The following PITPNM2 variants were observed in gnomAD, a reference collection of about 807,000 sequenced individuals.
The protein encoded by PITPNM2 is membrane-associated phosphatidylinositol transfer protein 2.
A neutral mutation model predicts 132.2 loss-of-function variants in PITPNM2; 35 were observed. That is an observed-to-expected ratio of 0.26 (90% CI 0.20 to 0.35). PITPNM2 has a LOEUF of 0.35. Ranked by LOEUF, PITPNM2 falls within the 10% of genes least tolerant of loss-of-function variation. The pLI, the probability that PITPNM2 is intolerant of heterozygous loss-of-function variation, is 1.00. For synonymous variants in PITPNM2, 738 were observed against 799.2 expected (o/e 0.92, Z 1.29); for missense variants, 1,332 against 1,912.0 (o/e 0.70, Z 5.66).
intron 1 of PITPNM2, among the ~76,000 whole-genome samples, chr12:123,136,300 TC>T (rs2043381335): frequency 2.0e-5 from 3 of 148,870 alleles, no homozygotes; most frequent in African/African-American, 5.0e-5. Flanking sequence ...AGACTCTGTC[TC>T]AAAAAAAAAA....
intron 3 of PITPNM2, among the ~76,000 whole-genome samples, chr12:123,016,998 A>T (rs1357288862): frequency 1.3e-5 from 2 of 151,068 alleles, no homozygotes; most frequent in Non-Finnish European, 2.9e-5. Flanking sequence ...ATAAGCCGAG[A>T]TTGTGCCACT....
chr12:123,115,537 GCC>G (rs988610007), intron 1 of PITPNM2, among the ~76,000 whole-genome samples: 7 of 151,672 alleles, frequency 4.6e-5, no homozygotes, highest in African/African-American at 7.3e-5. Context: ...CCCAATACGC[GCC>G]CGCACACACA....
intron 8 of PITPNM2, among the ~76,000 whole-genome samples, chr12:123,002,837 T>G (rs138319369): frequency 1.3e-5 from 2 of 152,346 alleles, no homozygotes; most frequent in African/African-American, 4.8e-5. Flanking sequence ...TATCATTTCT[T>G]TCTGTTGGGA....
In PITPNM2 at chr12:123,017,064, A is replaced by G. The variant is rs1048666622; in HGVS notation, c.79-3022T>C. Reference sequence around the variant, plus strand: ...CCATCTCAAAAAAAAAAAAAGAAAAAAAAAGAAAAGATAATAGTTTAGCAG... The same window carrying G: ...CCATCTCAAAAAAAAAAAAAGAAAAGAAAAGAAAAGATAATAGTTTAGCAG... On this transcript the variant is annotated intron_variant, in intron 3 of 25. Transcript: ENST00000320201. Among the ~76,000 whole-genome samples, 34 of 146,952 alleles carry G rather than the reference A, an allele frequency of 2.3e-4. No individual in the cohort carries two copies. The Admixed American group carries it at 2.3e-3, about 10-fold the overall frequency.
chr12:122,997,120 G>A (rs1239588693), intron 11 of PITPNM2, among the ~76,000 whole-genome samples: 1 of 152,180 alleles, frequency 6.6e-6, no homozygotes, highest in Non-Finnish European at 1.5e-5. Context: ...GTTTGGAAAC[G>A]AAGGCTCAGC....
chr12:123,009,676 T>C lies in PITPNM2; in HGVS notation c.643+174A>G, dbSNP rs1366052810. Reference sequence around the variant, plus strand: ...ATTCATGGATGTTCAAGATAACCCATGGCTGGCGGGTAGTGGGGAAGCTGG... The same window carrying C: ...ATTCATGGATGTTCAAGATAACCCACGGCTGGCGGGTAGTGGGGAAGCTGG... On this transcript the variant is annotated intron_variant, in intron 6 of 25. Transcript: ENST00000320201. The surrounding 1 kb of genome is among the most constrained non-coding windows in gnomAD (Gnocchi z 4.8). Among the ~76,000 whole-genome samples the C allele has an allele frequency of 6.6e-6, 1 of 152,218 alleles. No homozygotes were observed. The highest frequency in any genetic ancestry group is 1.5e-5 in the Non-Finnish European group (1 of 68,038).
chr12:123,053,336 T>C (rs1468461103), intron 2 of PITPNM2, among the ~76,000 whole-genome samples: 2 of 152,222 alleles, frequency 1.3e-5, no homozygotes, highest in African/African-American at 4.8e-5. Flanking sequence ...GGTTTTTACA[T>C]CCAGTGTTCT....
chr12:123,007,458 C>T (rs758453769), intron 6 of PITPNM2: 21 of 455,320 alleles, frequency 4.6e-5, no homozygotes, highest in South Asian at 3.3e-4. Flanking sequence ...GGCATGTACC[C>T]CCGCCTCCCC....
chr12:123,115,238 C>A (rs2042913896), intron 1 of PITPNM2, among the ~76,000 whole-genome samples: 2 of 152,188 alleles, frequency 1.3e-5, no homozygotes, highest in Non-Finnish European at 2.9e-5. Flanking sequence ...CCCTCCCTTC[C>A]ATCTTCTTCA....
At chr12:123,094,915 T>C (rs1259622863) in intron 2 of PITPNM2, among the ~76,000 whole-genome samples, 1 of 152,232 alleles carries the variant, frequency 6.6e-6, no homozygotes, top group Non-Finnish European at 1.5e-5. Flanking sequence ...TTCTTCACTC[T>C]ATTTATCAGT....
chr12:123,058,821 C>T lies in PITPNM2; in HGVS notation c.-95-24136G>A, dbSNP rs1229515684. Among the ~76,000 whole-genome samples, 2 of 152,150 alleles carry T rather than the reference C, an allele frequency of 1.3e-5. No individual in the cohort carries two copies. Among genetic ancestry groups the T allele is most frequent in the Non-Finnish European group, 2.9e-5 (2 of 68,030 alleles). ...CCACGGGGTCCACCTGGAAAATTCTCGAAGTGTCTATTAAGAATCAGCTTA... is the reference window on the plus strand; with the variant it reads ...CCACGGGGTCCACCTGGAAAATTCTTGAAGTGTCTATTAAGAATCAGCTTA... On this transcript the variant is annotated intron_variant, in intron 2 of 25. Transcript: ENST00000320201. This position sits in a 1 kb window ranked among gnomAD's most constrained non-coding sequence, Gnocchi z 4.0.
intron 2 of PITPNM2, among the ~76,000 whole-genome samples, chr12:123,057,277 G>C (rs1442242092): frequency 6.6e-6 from 1 of 151,826 alleles, no homozygotes; most frequent in Non-Finnish European, 1.5e-5. Context: ...CTACTCGGGA[G>C]GCTGAGGCAG....
chr12:123,124,404 C>A (rs1043519513), intron 1 of PITPNM2, among the ~76,000 whole-genome samples: 2 of 152,006 alleles, frequency 1.3e-5, no homozygotes, highest in South Asian at 4.2e-4. Context: ...TGCACTCCAA[C>A]CTGGGCAACA....
chr12:122,990,173 G>C (rs1200211103), intron 17 of PITPNM2, among the ~76,000 whole-genome samples: 55 of 152,372 alleles, frequency 3.6e-4, no homozygotes, highest in Admixed American at 3.6e-3. Flanking sequence ...GGCCCAGCAC[G>C]GGGCGCAGCC....
intron 13 of PITPNM2, 60 bp downstream of exon 13, chr12:122,996,398 C>A (rs1231775310): frequency 6.3e-6 from 10 of 1,597,946 alleles, no homozygotes; most frequent in South Asian, 1.1e-5. Context: ...AGGGCAGCCA[C>A]CCTGGGGGCG....
intron 10 of PITPNM2, among the ~76,000 whole-genome samples, chr12:122,998,664 G>C (rs942274109): frequency 1.3e-5 from 2 of 152,158 alleles, no homozygotes; most frequent in Non-Finnish European, 2.9e-5. Context: ...CCAAGAACCC[G>C]AGGAGACAGA....
intron 2 of PITPNM2, among the ~76,000 whole-genome samples, chr12:123,035,335 T>A (rs1205292709): frequency 1.3e-5 from 2 of 152,158 alleles, no homozygotes; most frequent in African/African-American, 4.8e-5. Flanking sequence ...TGACAAAGAA[T>A]ATATTTGATG....
At chr12:123,072,345 A>G (rs1257951562) in intron 2 of PITPNM2, among the ~76,000 whole-genome samples, 2 of 152,160 alleles carry the variant, frequency 1.3e-5, no homozygotes, top group Non-Finnish European at 2.9e-5. Flanking sequence ...TCTAACTTGC[A>G]TTCTCCCCTG....
At chr12:122,996,432 G>T (rs1222047322) in intron 13 of PITPNM2, 26 bp downstream of exon 13, 1 of 1,612,184 alleles carries the variant, frequency 6.2e-7, no homozygotes, top group Non-Finnish European at 8.5e-7. Flanking sequence ...AGGCCTTGGG[G>T]ACTGTCTGGG....
Sources: allele counts gnomAD v4.1 joint callset (sites outside exome capture counted in the v4.1 genomes callset), GRCh38; gene constraint gnomAD v4.1.1; non-coding constraint Gnocchi (gnomAD v3.1); transcripts MANE v1.5; gene names NCBI Gene and HGNC (gene_info 2026-07-23, HGNC 2026-07-21).